UBAC2: variants seen among roughly 807,000 people sequenced by gnomAD.
UBAC2 encodes ubiquitin-associated domain-containing protein 2.
Under a neutral mutation model 44.0 loss-of-function variants are expected in UBAC2, and 26 were observed. That is an observed-to-expected ratio of 0.59 (90% CI 0.43 to 0.82). The LOEUF (loss-of-function observed/expected upper bound fraction) is 0.82, where lower values mean the gene tolerates loss of function less well. Among genes scored for constraint, UBAC2 ranks in the 40% least tolerant of loss-of-function variants. UBAC2 has a pLI of 0.00. For synonymous variants in UBAC2, 155 were observed against 154.3 expected (o/e 1.00, Z -0.04); for missense variants, 329 against 419.4 (o/e 0.78, Z 1.88).
chr13:99,208,060 TG>T (rs1267162837), intron 1 of UBAC2, among the ~76,000 whole-genome samples: 1 of 147,828 alleles, frequency 6.8e-6, no homozygotes, highest in Non-Finnish European at 1.5e-5. Context: ...TGCAATGGCG[TG>T]ATCTTGGCTC....
At chr13:99,318,636 T>A (rs902730222) in intron 6 of UBAC2, among the ~76,000 whole-genome samples, 4 of 150,190 alleles carry the variant, frequency 2.7e-5, no homozygotes, top group African/African-American at 9.8e-5. Context: ...CTGGCTGACA[T>A]GATGAAACCC....
chr13:99,322,147 A>C (rs1290454288), intron 6 of UBAC2, among the ~76,000 whole-genome samples: 2 of 152,248 alleles, frequency 1.3e-5, no homozygotes, highest in African/African-American at 2.4e-5. Flanking sequence ...TCAACATTTC[A>C]GTGACCGTAT....
chr13:99,216,834 C>CTTTTTTTTTTTTTTTTTTTTTTTTT (rs11338165), intron 1 of UBAC2, among the ~76,000 whole-genome samples: 2 of 140,624 alleles, frequency 1.4e-5, no homozygotes, highest in African/African-American at 5.3e-5. Context: ...TTTCTTTTTT[C>CTTTTTTTTTTTTTTTTTTTTTTTTT]TTTTTTTTTT....
chr13:99,225,831 T>G (rs552005940), intron 1 of UBAC2, among the ~76,000 whole-genome samples: 1 of 152,238 alleles, frequency 6.6e-6, no homozygotes, highest in Non-Finnish European at 1.5e-5. Context: ...TTAATGATTC[T>G]AAAATTGGAA....
intron 4 of UBAC2, among the ~76,000 whole-genome samples, chr13:99,245,218 G>A (rs1346775091): frequency 6.6e-6 from 1 of 152,146 alleles, no homozygotes; most frequent in Non-Finnish European, 1.5e-5. Flanking sequence ...TTAGTTTTGT[G>A]TGTTTTTATA....
chr13:99,212,517 T>A (rs1472542419), intron 1 of UBAC2, among the ~76,000 whole-genome samples: 1 of 152,190 alleles, frequency 6.6e-6, no homozygotes, highest in African/African-American at 2.4e-5. Flanking sequence ...GTAGCCAAGT[T>A]AGGTTGGGAA....
At chr13:99,289,126 T>C (rs1186337955) in intron 4 of UBAC2, among the ~76,000 whole-genome samples, 1 of 152,244 alleles carries the variant, frequency 6.6e-6, no homozygotes, top group African/African-American at 2.4e-5. Flanking sequence ...GGGATGGAGC[T>C]GGGTTGGAGT....
intron 4 of UBAC2, among the ~76,000 whole-genome samples, chr13:99,259,623 G>A (rs2043627250): frequency 6.6e-6 from 1 of 152,112 alleles, no homozygotes. Context: ...CACTAGATAG[G>A]ACTTCTTATG....
chr13:99,243,055 A>G (rs2043338378), intron 2 of UBAC2, among the ~76,000 whole-genome samples: 1 of 152,168 alleles, frequency 6.6e-6, no homozygotes, highest in South Asian at 2.1e-4. Context: ...TTTAACTTTT[A>G]TATCTGTTTT....
intron 4 of UBAC2, among the ~76,000 whole-genome samples, chr13:99,261,316 C>T (rs944496760): frequency 6.6e-6 from 1 of 152,182 alleles, no homozygotes; most frequent in Non-Finnish European, 1.5e-5. Context: ...CAACCTTTGT[C>T]CCCTCCTTTC....
intron 1 of UBAC2, among the ~76,000 whole-genome samples, chr13:99,210,200 G>A (rs1317826582): frequency 6.6e-6 from 1 of 152,028 alleles, no homozygotes; most frequent in Non-Finnish European, 1.5e-5. Context: ...TGAAATAACT[G>A]ACTTTGTTAT....
Position 99,238,447 on chromosome 13 carries a change from A to T in UBAC2, c.52A>T (p.Ser18Cys), listed in dbSNP as rs765202949. Residue 18 changes from serine to cysteine, a missense_variant, in exon 2 of 9, where the codon AGC (serine) becomes TGC (cysteine). By Grantham distance (112) the Ser-to-Cys change is moderately radical (BLOSUM62 -1). Coordinates refer to ENST00000403766, the MANE Select transcript of UBAC2 (RefSeq NM_001144072.2). ...SGLYKAPLSK[S>C]LLLVPSALSL... ...TCCAGACAAGGCGCCTCTGTCGAAG[A>T]GCCTTCTGCTGGTCCCCAGTGCCCT... 1 of 1,613,722 alleles carries T rather than the reference A, an allele frequency of 6.2e-7. No homozygotes were observed. The highest frequency in any genetic ancestry group is 1.1e-5 in the South Asian group (1 of 91,058).
At chr13:99,302,070 G>A (rs531176040) in intron 4 of UBAC2, among the ~76,000 whole-genome samples, 1 of 152,274 alleles carries the variant, frequency 6.6e-6, no homozygotes, top group East Asian at 1.9e-4. Context: ...TCTAGAGTCA[G>A]CTTATACAGA....
chr13:99,215,769 G>C, intron 1 of UBAC2: 2 of 1,129,932 alleles, frequency 1.8e-6, no homozygotes, highest in Non-Finnish European at 2.5e-6. Flanking sequence ...TTCGAGTTCT[G>C]CTGAAGCTCA....
chr13:99,377,930 A>G (rs1663199737), intron 8 of UBAC2, among the ~76,000 whole-genome samples: 1 of 152,194 alleles, frequency 6.6e-6, no homozygotes, highest in Non-Finnish European at 1.5e-5. Context: ...TCTCCCTGCC[A>G]CCCTGCGCTG....
chr13:99,255,641 G>T (rs766126078), intron 4 of UBAC2: 40 of 1,613,820 alleles, frequency 2.5e-5, no homozygotes, highest in Non-Finnish European at 3.3e-5. Context: ...TAAAACATTC[G>T]AAAGGGTAAA....
intron 5 of UBAC2, among the ~76,000 whole-genome samples, chr13:99,315,005 G>A (rs1277900973): frequency 2.6e-5 from 4 of 151,884 alleles, no homozygotes; most frequent in Admixed American, 1.3e-4. Flanking sequence ...CTTATCCCAC[G>A]CACTCTAACC....
At chr13:99,284,152 G>A (rs930540033) in intron 4 of UBAC2, among the ~76,000 whole-genome samples, 3 of 152,196 alleles carry the variant, frequency 2.0e-5, no homozygotes, top group South Asian at 4.1e-4. Flanking sequence ...CAATGTAAAT[G>A]TCCAAAGACA....
rs57125709 is a variant in UBAC2, at chr13:99,357,909, A to G, written c.808-9878A>G. 5.7e-3 allele frequency among the ~76,000 whole-genome samples: 871 copies of G among 152,310 alleles called. 7 individuals are homozygous for G. Among genetic ancestry groups the G allele is most frequent in the African/African-American group, 0.02 (831 of 41,570 alleles). ...TGTCCATTCAGTTATCCATTTTGCA[A>G]CTGTTTCTTGAGTGCTTGCATATGC... On this transcript the variant is annotated intron_variant, in intron 7 of 8. Transcript: ENST00000403766.
Sources: allele counts gnomAD v4.1 joint callset (sites outside exome capture counted in the v4.1 genomes callset), GRCh38; gene constraint gnomAD v4.1.1; transcripts MANE v1.5; gene names NCBI Gene and HGNC (gene_info 2026-07-23, HGNC 2026-07-21).